Variants in ASIC2 observed in about 807,000 individuals in gnomAD.
The protein encoded by ASIC2 is acid-sensing ion channel 2.
Under a neutral mutation model 57.3 loss-of-function variants are expected in ASIC2, and 25 were observed. The ratio of observed to expected loss-of-function variants is 0.44; its 90% CI spans 0.32 to 0.61. The LOEUF is 0.61. Among genes scored for constraint, ASIC2 ranks in the 20% least tolerant of loss-of-function variants. ASIC2 has a pLI of 0.06. For synonymous variants in ASIC2, 319 were observed against 307.5 expected, an observed-to-expected ratio of 1.04 and a Z score of -0.39; for missense variants, 641 against 738.1, an observed-to-expected ratio of 0.87 and a Z score of 1.52.
chr17:33,478,681 A>G (rs1913307741), intron 1 of ASIC2, among the ~76,000 whole-genome samples: 2 of 152,160 alleles, frequency 1.3e-5, no homozygotes, highest in Non-Finnish European at 2.9e-5. Context: ...TGAGAGCTGG[A>G]AGAGTCCCTG....
At chr17:33,666,969 G>A (rs1239944130) in intron 1 of ASIC2, among the ~76,000 whole-genome samples, 1 of 152,204 alleles carries the variant, frequency 6.6e-6, no homozygotes, top group Admixed American at 6.5e-5. Context: ...AATATTATTT[G>A]TCGTTTATCT....
At chr17:33,555,563 G>A (rs1915882864) in intron 1 of ASIC2, among the ~76,000 whole-genome samples, 1 of 152,100 alleles carries the variant, frequency 6.6e-6, no homozygotes, top group South Asian at 2.1e-4. Context: ...AAGCTGAGAG[G>A]TGCAGGATGT....
chr17:33,039,408 CTATT>C (rs1475257006), intron 3 of ASIC2, among the ~76,000 whole-genome samples: 3 of 152,276 alleles, frequency 2.0e-5, no homozygotes, highest in East Asian at 1.9e-4. Flanking sequence ...CTGGGAATGA[CTATT>C]TAAGAGCCTG....
At chr17:33,025,332 G>A (rs2091854313) in intron 5 of ASIC2, among the ~76,000 whole-genome samples, 1 of 152,184 alleles carries the variant, frequency 6.6e-6, no homozygotes, top group Admixed American at 6.5e-5. Flanking sequence ...ACCAGCAGAG[G>A]TCTTCTAACT....
intron 1 of ASIC2, among the ~76,000 whole-genome samples, chr17:33,822,374 T>C (rs1422042081): frequency 6.6e-6 from 1 of 152,188 alleles, no homozygotes; most frequent in Non-Finnish European, 1.5e-5. Flanking sequence ...CGTGAGGACC[T>C]TGTGGGAAGG....
intron 1 of ASIC2, among the ~76,000 whole-genome samples, chr17:33,669,250 C>T (rs933438744): frequency 3.3e-5 from 5 of 152,168 alleles, no homozygotes; most frequent in Non-Finnish European, 4.4e-5. Flanking sequence ...CACCACACAT[C>T]GTTTCATTGG....
At chr17:33,079,349 G>A (rs2092102718) in intron 3 of ASIC2, among the ~76,000 whole-genome samples, 1 of 152,196 alleles carries the variant, frequency 6.6e-6, no homozygotes, top group African/African-American at 2.4e-5. Flanking sequence ...ATACAAGTGA[G>A]GTGATGAAAG....
At chr17:33,435,397 A>T (rs915962786) in intron 1 of ASIC2, among the ~76,000 whole-genome samples, 3 of 152,232 alleles carry the variant, frequency 2.0e-5, no homozygotes, top group African/African-American at 7.2e-5. Flanking sequence ...ACAGGTACCA[A>T]CTGAAAAAGC....
intron 1 of ASIC2, among the ~76,000 whole-genome samples, chr17:33,704,933 T>G (rs1908818374): frequency 6.6e-6 from 1 of 152,180 alleles, no homozygotes; most frequent in Admixed American, 6.5e-5. Context: ...CACTCTTTGG[T>G]TTTGAAACCC....
intron 1 of ASIC2, among the ~76,000 whole-genome samples, chr17:33,821,244 G>A (rs562570282): frequency 1.3e-5 from 2 of 152,098 alleles, no homozygotes; most frequent in African/African-American, 4.8e-5. Flanking sequence ...CTATTCTTCC[G>A]TTGTCCCACC....
At chr17:34,026,818 G>T (rs1373650207) in intron 1 of ASIC2, among the ~76,000 whole-genome samples, 1 of 152,182 alleles carries the variant, frequency 6.6e-6, no homozygotes, top group Non-Finnish European at 1.5e-5. Context: ...TGAATTAGTG[G>T]CCAAGTTGGG....
chr17:33,313,562 T>C (rs891347659), intron 1 of ASIC2, among the ~76,000 whole-genome samples: 3 of 152,194 alleles, frequency 2.0e-5, no homozygotes, highest in African/African-American at 4.8e-5. Flanking sequence ...ATGTGGACTT[T>C]ATCATTCTCT....
intron 1 of ASIC2, among the ~76,000 whole-genome samples, chr17:33,934,246 T>C (rs1276306605): frequency 6.6e-6 from 1 of 152,220 alleles, no homozygotes; most frequent in Non-Finnish European, 1.5e-5. Context: ...CGGGGGCTGA[T>C]TCTCTGAGGC....
chr17:33,796,713 G>A (rs1262774213), intron 1 of ASIC2, among the ~76,000 whole-genome samples: 1 of 152,142 alleles, frequency 6.6e-6, no homozygotes, highest in Non-Finnish European at 1.5e-5. Context: ...TTCACTCATA[G>A]CCTGGCCTAT....
At chr17:33,686,413 C>T (rs1908194661) in intron 1 of ASIC2, among the ~76,000 whole-genome samples, 1 of 152,148 alleles carries the variant, frequency 6.6e-6, no homozygotes, top group African/African-American at 2.4e-5. Context: ...ACCAACTAAT[C>T]TCTTGTCCTG....
intron 1 of ASIC2, among the ~76,000 whole-genome samples, chr17:33,497,462 T>C (rs1020051459): frequency 6.6e-6 from 1 of 152,256 alleles, no homozygotes; most frequent in Non-Finnish European, 1.5e-5. Flanking sequence ...GGAAGGGCCC[T>C]GAGGGGAAGG....
chr17:33,433,415 G>A (rs954003470), intron 1 of ASIC2, among the ~76,000 whole-genome samples: 1 of 152,216 alleles, frequency 6.6e-6, no homozygotes, highest in Non-Finnish European at 1.5e-5. Context: ...GAAGTTTGGA[G>A]GAGGGAGAGG....
chr17:33,891,857 A>G (rs887332759), intron 1 of ASIC2, among the ~76,000 whole-genome samples: 6 of 152,018 alleles, frequency 3.9e-5, no homozygotes, highest in African/African-American at 1.5e-4. Flanking sequence ...ACAAATTACA[A>G]CTTCTTTCTT....
chr17:33,072,764 T>G (rs545472366), intron 3 of ASIC2, among the ~76,000 whole-genome samples: 58 of 152,318 alleles, frequency 3.8e-4, no homozygotes, highest in African/African-American at 1.4e-3. Flanking sequence ...ACTCTAGGGA[T>G]GGATTTGCTG....
Sources: allele counts gnomAD v4.1 joint callset (sites outside exome capture counted in the v4.1 genomes callset), GRCh38; gene constraint gnomAD v4.1.1; transcripts MANE v1.5; gene names NCBI Gene and HGNC (gene_info 2026-07-23, HGNC 2026-07-21).